SPECC1: variants seen among roughly 807,000 people sequenced by gnomAD.
The protein encoded by SPECC1 is cytospin-B.
In SPECC1, 62 loss-of-function variants were observed where a neutral mutation model predicts 104.1. The ratio of observed to expected loss-of-function variants is 0.60; its 90% confidence interval spans 0.49 to 0.74. The LOEUF (loss-of-function observed/expected upper bound fraction) is 0.74, where lower values mean the gene tolerates loss of function less well. Among genes scored for constraint, SPECC1 ranks in the 30% least tolerant of loss-of-function variants. The probability of loss-of-function intolerance (pLI) is 0.00; values close to 1 mark genes in which losing one functional copy is unlikely to be tolerated. For synonymous variants in SPECC1, 513 were observed against 501.6 expected (o/e 1.02, Z -0.30); for missense variants, 1,306 against 1,310.5 (o/e 1.00, Z 0.05).
intron 3 of SPECC1, among the ~76,000 whole-genome samples, chr17:20,144,977 C>T (rs1238462794): frequency 1.3e-5 from 2 of 152,070 alleles, no homozygotes; most frequent in African/African-American, 2.4e-5. Context: ...TTAAGTTAAG[C>T]CCTATTAAGG....
At chr17:20,299,391 C>CA (rs1195121293) in intron 13 of SPECC1, among the ~76,000 whole-genome samples, 1 of 148,732 alleles carries the variant, frequency 6.7e-6, no homozygotes, top group Non-Finnish European at 1.5e-5. Flanking sequence ...TCCATTTCTA[C>CA]AAAAAAAATT....
chr17:20,196,766 G>A (rs1052082958), intron 3 of SPECC1, among the ~76,000 whole-genome samples: 4 of 152,150 alleles, frequency 2.6e-5, no homozygotes, highest in African/African-American at 9.7e-5. Context: ...GAATCTAATG[G>A]CTTTAAGGCA....
intron 3 of SPECC1, among the ~76,000 whole-genome samples, chr17:20,138,073 G>GCC (rs1238810477): frequency 6.6e-6 from 1 of 151,512 alleles, no homozygotes; most frequent in Non-Finnish European, 1.5e-5. Flanking sequence ...GGCTCAAGCA[G>GCC]CCCTCCCACC....
At chr17:20,258,111 G>A (rs75738525) in intron 11 of SPECC1, among the ~76,000 whole-genome samples, 340 of 152,302 alleles carry the variant, frequency 2.2e-3, no homozygotes, top group African/African-American at 7.9e-3. Context: ...CTAAGGAAGA[G>A]GTTTGTGCAT....
intron 12 of SPECC1, among the ~76,000 whole-genome samples, chr17:20,292,046 G>A (rs982879637): frequency 1.3e-5 from 2 of 151,726 alleles, no homozygotes; most frequent in Admixed American, 6.6e-5. Context: ...CGGGTTTCTG[G>A]ATCTAAAGCC....
chr17:20,249,142 A>G (rs1434345715), intron 9 of SPECC1, among the ~76,000 whole-genome samples: 2 of 152,230 alleles, frequency 1.3e-5, no homozygotes, highest in Admixed American at 6.5e-5. Context: ...AGGCATGGCC[A>G]GGTGCAGTGG....
At chr17:20,239,773 A>G (rs1432195898) in intron 7 of SPECC1, among the ~76,000 whole-genome samples, 1 of 151,724 alleles carries the variant, frequency 6.6e-6, no homozygotes. Flanking sequence ...GAACATGCCC[A>G]TCTGTATACA....
Position 20,045,730 on chromosome 17 carries a change from G to A in SPECC1, c.-22+36306G>A, listed in dbSNP as rs1017310792. ...TACTGAGCCCAGACTTGGCAGGGTT[G>A]GCCAGGTGTGTGCTTATAGTTTGTG... On this transcript the variant is annotated intron_variant, in intron 1 of 14. Coordinates refer to ENST00000395527, the MANE Select transcript of SPECC1 (RefSeq NM_001243439.2). 5.9e-5 allele frequency among the ~76,000 whole-genome samples: 9 copies of A among 152,288 alleles called. 1 individual carries two copies. The highest frequency in any genetic ancestry group is 1.3e-4 in the Non-Finnish European group (9 of 68,018).
rs547698278 is a variant in SPECC1, at chr17:20,112,113, G to A, written c.283+1551G>A. On this transcript the variant is annotated intron_variant, in intron 3 of 14. Transcript: ENST00000395527. The stretch of plus-strand genomic sequence containing the variant: ...CTGGCTAACATTAAATGCTGGAGGG[G>A]CGGTACTTTACAACCACACAGAGCA... The A allele has an allele frequency of 6.5e-6, 5 of 764,594 alleles. No homozygotes were observed. The African/African-American group carries it at 8.5e-5, about 13-fold the overall frequency. The allele number at this position is 764,594 out of a possible 1,614,324, so 47.4% of individuals were successfully genotyped here.
chr17:20,091,317 C>T (rs1351691329), intron 1 of SPECC1, among the ~76,000 whole-genome samples: 2 of 152,190 alleles, frequency 1.3e-5, no homozygotes, highest in African/African-American at 2.4e-5. Flanking sequence ...ACCAGATTTT[C>T]AGTGTTAATG....
At chr17:20,104,087 T>C (rs1339877034) in intron 2 of SPECC1, among the ~76,000 whole-genome samples, 1 of 152,168 alleles carries the variant, frequency 6.6e-6, no homozygotes, top group Non-Finnish European at 1.5e-5. Context: ...TGGACAAAAA[T>C]CAGCATGTTT....
At position 20,318,655 on chromosome 17, in the gene SPECC1, G is replaced by A. The variant is rs192428286; in HGVS notation, c.*4590G>A. ...AATAGTTCTCACCCTTCCAAAGCTC[G>A]AGTGCCATTTTGAGATGACCTACCA... On this transcript the variant is annotated 3_prime_UTR_variant, in exon 15 of 15. Transcript: ENST00000395527. The A allele has an allele frequency of 3.0e-4, 69 of 227,062 alleles. No homozygotes were observed. The highest frequency in any genetic ancestry group is 2.7e-3 in the East Asian group (43 of 15,892). 14.1% of individuals were successfully genotyped at this position (227,062 alleles called of 1,614,324 possible). A position where few individuals can be genotyped will look rare whatever the true frequency, so the allele number is the denominator to read the frequency against.
intron 1 of SPECC1, among the ~76,000 whole-genome samples, chr17:20,085,209 C>T (rs1265360123): frequency 6.6e-6 from 1 of 152,164 alleles, no homozygotes; most frequent in African/African-American, 2.4e-5. Flanking sequence ...GGGGCCTGAG[C>T]ACTTGGTGTG....
chr17:20,129,244 G>A lies in SPECC1; in HGVS notation c.283+18682G>A, dbSNP rs1448513158. On this transcript the variant is annotated intron_variant, in intron 3 of 14. Coordinates refer to ENST00000395527, the MANE Select transcript of SPECC1 (RefSeq NM_001243439.2). ...TCTATCACCAGGCTGGAGTGCAGTG[G>A]CACCATCTCGGCTCACTGCAAGCTC... 3.3e-5 allele frequency among the ~76,000 whole-genome samples: 5 copies of A among 151,612 alleles called. No individual in the cohort carries two copies. The East Asian group carries it at 9.7e-4, about 29-fold the overall frequency.
At chr17:20,086,943 C>G (rs927483320) in intron 1 of SPECC1, 1 of 152,138 alleles carries the variant, frequency 6.6e-6, no homozygotes, top group Non-Finnish European at 1.5e-5. Context: ...CTGCCTGTTG[C>G]CTGGGAAGCT....
Position 20,077,033 on chromosome 17 carries a change from A to C in SPECC1, c.-21-19598A>C, listed in dbSNP as rs557614955. Reference sequence around the variant, plus strand: ...AATGCTGGCTTTTTGGGGCCAATTTATATGGGTAAGATTTATTTGCCATAT... The same window carrying C: ...AATGCTGGCTTTTTGGGGCCAATTTCTATGGGTAAGATTTATTTGCCATAT... On this transcript the variant is annotated intron_variant, in intron 1 of 14. Transcript: ENST00000395527. Among the ~76,000 whole-genome samples, 31 of 152,266 alleles carry C rather than the reference A, an allele frequency of 2.0e-4. No homozygotes were observed. The South Asian group carries it at 6.4e-3, about 32-fold the overall frequency.
chr17:20,314,764 C>T lies in SPECC1; in HGVS notation c.*699C>T, dbSNP rs949191883. ...CCAGGGCAACCTGGAAACGTGCGTG[C>T]GCACTCAGCCTTTTGGGGAAAAATG... is the stretch of plus-strand genomic sequence containing the variant. On this transcript the variant is annotated 3_prime_UTR_variant, in exon 15 of 15. Coordinates refer to ENST00000395527, the MANE Select transcript of SPECC1 (RefSeq NM_001243439.2). The T allele has an allele frequency of 1.1e-4, 19 of 172,864 alleles. No homozygotes were observed. Among genetic ancestry groups the T allele is most frequent in the Non-Finnish European group, 1.8e-4 (15 of 84,632 alleles). The allele number at this position is 172,864 out of a possible 1,614,324, so 10.7% of individuals were successfully genotyped here.
At chr17:20,267,640 G>A (rs1414593704) in intron 12 of SPECC1, among the ~76,000 whole-genome samples, 3 of 152,094 alleles carry the variant, frequency 2.0e-5, no homozygotes, top group Non-Finnish European at 2.9e-5. Flanking sequence ...GAGGGAGGGG[G>A]CACGTGAGAA....
chr17:20,142,439 T>C (rs543091212), intron 3 of SPECC1, among the ~76,000 whole-genome samples: 8 of 152,148 alleles, frequency 5.3e-5, no homozygotes, highest in African/African-American at 1.7e-4. Flanking sequence ...AACAGATGCG[T>C]AGATCAACAA....
Sources: gnomAD v4.1 joint callset for allele counts (sites outside exome capture counted in the v4.1 genomes callset) on GRCh38, gnomAD v4.1.1 for gene constraint, MANE v1.5 for transcripts, NCBI Gene and HGNC (gene_info 2026-07-23, HGNC 2026-07-21) for gene names.